Variants in WDR59 observed in about 807,000 individuals in gnomAD.
The protein encoded by WDR59 is WD repeat domain 59, also known as GATOR2 complex protein WDR59.
In WDR59, 100 loss-of-function variants were observed where a neutral mutation model predicts 131.2. That is an observed-to-expected ratio of 0.76 (90% CI 0.65 to 0.90). The LOEUF (loss-of-function observed/expected upper bound fraction) is 0.90, where lower values mean the gene tolerates loss of function less well. Among genes scored for constraint, WDR59 ranks in the 40% least tolerant of loss-of-function variants. The pLI, the probability that WDR59 is intolerant of heterozygous loss-of-function variation, is 0.00. For missense variants in WDR59, 1,203 were observed against 1,262.2 expected (o/e 0.95, Z 0.71); for synonymous variants, 601 against 466.2 (o/e 1.29, Z -3.72).
intron 8 of WDR59, among the ~76,000 whole-genome samples, chr16:74,937,337 G>A (rs1195878311): frequency 2.0e-5 from 3 of 152,212 alleles, no homozygotes; most frequent in Middle Eastern, 3.2e-3. Context: ...GCTGATGCCT[G>A]AAAACGTCAG....
chr16:74,930,038 G>A (rs572346443), intron 8 of WDR59, among the ~76,000 whole-genome samples: 142 of 152,298 alleles, frequency 9.3e-4, no homozygotes, highest in Middle Eastern at 6.8e-3. Context: ...GCTGGGAAGC[G>A]TAGTGGGGTA....
chr16:74,928,780 G>C (rs2031113414), intron 8 of WDR59, among the ~76,000 whole-genome samples: 1 of 151,962 alleles, frequency 6.6e-6, no homozygotes, highest in African/African-American at 2.4e-5. Context: ...GTGGTGGTGT[G>C]CATCTGTAAT....
chr16:74,951,977 C>G (rs909488809), intron 3 of WDR59, among the ~76,000 whole-genome samples: 4 of 151,932 alleles, frequency 2.6e-5, no homozygotes, highest in African/African-American at 9.7e-5. Context: ...GTCCACCTAC[C>G]ACAGGTTTTT....
intron 8 of WDR59, among the ~76,000 whole-genome samples, chr16:74,933,710 C>A (rs1481084140): frequency 6.6e-6 from 1 of 152,180 alleles, no homozygotes; most frequent in Non-Finnish European, 1.5e-5. Flanking sequence ...CCTCAGCCAC[C>A]CAACTAGCTG....
At chr16:74,937,555 G>A (rs544796188) in intron 8 of WDR59, among the ~76,000 whole-genome samples, 2 of 152,256 alleles carry the variant, frequency 1.3e-5, no homozygotes, top group Admixed American at 6.5e-5. Context: ...AGGTTGGAGT[G>A]CAGTGGATCA....
At chr16:74,917,495 C>A (rs1966448325) in intron 11 of WDR59, among the ~76,000 whole-genome samples, 1 of 152,134 alleles carries the variant, frequency 6.6e-6, no homozygotes, top group Non-Finnish European at 1.5e-5. Flanking sequence ...AGCTACTCAG[C>A]CAACCAGTAA....
At chr16:74,898,950 T>G (rs1305140796) in intron 18 of WDR59, among the ~76,000 whole-genome samples, 1 of 152,202 alleles carries the variant, frequency 6.6e-6, no homozygotes, top group African/African-American at 2.4e-5. Context: ...ACTGGTTTTC[T>G]ATGACAAGGC....
rs370815858 is a variant in WDR59 at position 74,923,983 on chromosome 16, A to T, written c.672T>A (p.Pro224=). The T allele has an allele frequency of 1.9e-6, 3 of 1,613,680 alleles. No homozygotes were observed. Among genetic ancestry groups the T allele is most frequent in the Non-Finnish European group, 2.5e-6 (3 of 1,179,970 alleles). ...AAGGAAGAATATTGAGGTATTTCCG[A>T]GGCTGGCGGTAATCCCAGAACTAGA... ...NSVKFWDYRQ[P]RKYLNILPCQ... is the part of the protein sequence containing the mutation. The change falls in exon 9 of 26, where the codon CCT becomes CCA. Residue 224 remains proline, a synonymous_variant. Transcript: ENST00000262144.
chr16:74,878,192 T>C (rs1019849137), intron 25 of WDR59, among the ~76,000 whole-genome samples: 2 of 152,192 alleles, frequency 1.3e-5, no homozygotes, highest in African/African-American at 4.8e-5. Context: ...AGAAATCAAA[T>C]AGGGAAGTTC....
intron 1 of WDR59, among the ~76,000 whole-genome samples, chr16:74,971,020 G>A (rs555140992): frequency 2.1e-4 from 32 of 151,976 alleles, no homozygotes; most frequent in African/African-American, 4.1e-4. Flanking sequence ...CTACACTCCT[G>A]GCTAAACGAC....
intron 1 of WDR59, among the ~76,000 whole-genome samples, chr16:74,978,069 G>C (rs1352502207): frequency 6.6e-6 from 1 of 151,906 alleles, no homozygotes; most frequent in South Asian, 2.1e-4. Context: ...AAATTACCCA[G>C]GACTGGCCAG....
chr16:74,947,111 G>T (rs2032694514), intron 6 of WDR59, among the ~76,000 whole-genome samples: 1 of 152,158 alleles, frequency 6.6e-6, no homozygotes, highest in African/African-American at 2.4e-5. Context: ...AATGAAAACA[G>T]GTAGATCAGA....
At chr16:74,943,553 A>C (rs927161384) in intron 6 of WDR59, among the ~76,000 whole-genome samples, 3 of 152,214 alleles carry the variant, frequency 2.0e-5, no homozygotes. Context: ...GAGCTGAGAC[A>C]TGGAAAACTG....
intron 18 of WDR59, among the ~76,000 whole-genome samples, chr16:74,898,296 A>G (rs1965386655): frequency 6.6e-6 from 1 of 151,942 alleles, no homozygotes; most frequent in Non-Finnish European, 1.5e-5. Flanking sequence ...CTCCAGTCCC[A>G]CTCTGACGGG....
In WDR59 at chr16:74,874,431, G is replaced by A. The variant is rs559060202; in HGVS notation, c.2703C>T (p.Tyr901=). 1.9e-4 allele frequency: 310 copies of A among 1,613,972 alleles called. 1 individual carries two copies. In the South Asian group the frequency reaches 3.0e-3, roughly 16 times the overall value. The change falls in exon 26 of 26, where the codon TAC becomes TAT. Residue 901 remains tyrosine (Y), a synonymous_variant. Coordinates refer to ENST00000262144, the MANE Select transcript of WDR59 (RefSeq NM_030581.4). ...DPHKGIEFGV[Y]CSHCRSEVRG... is the part of the protein sequence containing the mutation. The stretch of plus-strand genomic sequence containing the variant: ...GGACCTCACTCCGGCAGTGGCTGCA[G>A]TACACGCCGAACTCTGGAAATGGGC...
chr16:74,883,181 C>A (rs763028236), intron 25 of WDR59, among the ~76,000 whole-genome samples: 1 of 151,692 alleles, frequency 6.6e-6, no homozygotes, highest in Admixed American at 6.6e-5. Context: ...CGCACCACCA[C>A]GCCCGGCTAA....
rs2145148002 is a variant in WDR59 at position 74,952,991 on chromosome 16, C to T, written c.241-1448G>A. ...TTCCCTGCCATTTCTGGAGGGTCTGCTAGTGCCAGTCCACCTTAACGAATC... is the reference window on the plus strand; with the variant it reads ...TTCCCTGCCATTTCTGGAGGGTCTGTTAGTGCCAGTCCACCTTAACGAATC... On this transcript the variant is annotated intron_variant, in intron 3 of 25. Transcript: ENST00000262144. Among the ~76,000 whole-genome samples, 2 of 152,220 alleles carry T rather than the reference C, an allele frequency of 1.3e-5. 1 individual carries two copies. Among genetic ancestry groups the T allele is most frequent in the Middle Eastern group, 6.8e-3 (2 of 294 alleles).
intron 1 of WDR59, among the ~76,000 whole-genome samples, chr16:74,966,869 C>A (rs1284355616): frequency 1.3e-5 from 2 of 152,158 alleles, no homozygotes; most frequent in African/African-American, 4.8e-5. Context: ...CAAGAGACTG[C>A]AATGAGTCCA....
At chr16:74,904,193 G>T (rs967419123) in intron 17 of WDR59, 93 bp from the exon 18 acceptor site, 3 of 1,440,120 alleles carry the variant, frequency 2.1e-6, no homozygotes, top group Non-Finnish European at 2.8e-6. Context: ...AAAAGGAGAA[G>T]ACAAAATGAG....
Sources: gnomAD v4.1 joint callset for allele counts (sites outside exome capture counted in the v4.1 genomes callset) on GRCh38, gnomAD v4.1.1 for gene constraint, MANE v1.5 for transcripts, NCBI Gene and HGNC (gene_info 2026-07-23, HGNC 2026-07-21) for gene names.